ADCY9: variants seen among roughly 807,000 people sequenced by gnomAD.
ADCY9 encodes adenylate cyclase 9.
ADCY9 carries 50 observed loss-of-function variants against 101.5 expected under a neutral mutation model. The observed-to-expected ratio is 0.49, with a 90% confidence interval of 0.39 to 0.62. The LOEUF (loss-of-function observed/expected upper bound fraction) is 0.62, where lower values mean the gene tolerates loss of function less well. Ranked by LOEUF, ADCY9 falls within the 20% of genes least tolerant of loss-of-function variation. The pLI, the probability that ADCY9 is intolerant of heterozygous loss-of-function variation, is 0.00. For missense variants in ADCY9, 1,662 were observed against 1,800.4 expected (o/e 0.92, Z 1.39); for synonymous variants, 905 against 769.3 (o/e 1.18, Z -2.92).
chr16:4,079,916 C>T (rs1018024511), intron 2 of ADCY9, among the ~76,000 whole-genome samples: 3 of 151,922 alleles, frequency 2.0e-5, no homozygotes, highest in Non-Finnish European at 4.4e-5. Context: ...ACATGTTTTA[C>T]TTTTATAATA....
At chr16:3,973,305 T>C (rs1410190565) in intron 10 of ADCY9, among the ~76,000 whole-genome samples, 2 of 152,070 alleles carry the variant, frequency 1.3e-5, no homozygotes, top group Non-Finnish European at 2.9e-5. Context: ...CTTCCCAGGT[T>C]CAAGCAATTC....
At chr16:3,956,488 C>CTT (rs1555504577) in intron 5 of ADCY9, among the ~76,000 whole-genome samples, 2 of 68,796 alleles carry the variant, frequency 2.9e-5, no homozygotes, top group East Asian at 4.3e-4. Flanking sequence ...GCGCAATGAG[C>CTT]TTTTTTTTTT....
intron 2 of ADCY9, among the ~76,000 whole-genome samples, chr16:4,109,859 A>G (rs2057102208): frequency 6.6e-6 from 1 of 152,142 alleles, no homozygotes; most frequent in South Asian, 2.1e-4. Context: ...CAGATCACCT[A>G]AGCCCCCTGT....
chr16:3,983,467 T>C (rs1352953239), intron 6 of ADCY9, 27 bp from the exon 7 acceptor site: 1 of 1,576,370 alleles, frequency 6.3e-7, no homozygotes, highest in Non-Finnish European at 8.6e-7. Flanking sequence ...TGGAGCAGAA[T>C]GACTGGGAGG....
chr16:4,084,381 G>C (rs2056924237), intron 2 of ADCY9, among the ~76,000 whole-genome samples: 1 of 151,960 alleles, frequency 6.6e-6, no homozygotes, highest in Admixed American at 6.6e-5. Context: ...CAAAGTGCTG[G>C]GTTTACAGGC....
In ADCY9 at chr16:3,993,494, C is replaced by T; in HGVS notation, c.1901G>A (p.Gly634Glu). 6.2e-7 allele frequency: 1 copy of T among 1,614,110 alleles called. No individual in the cohort carries two copies. The highest frequency in any genetic ancestry group is 1.1e-5 in the South Asian group (1 of 91,076). Residue 634 changes from glycine (G) to glutamate (E), a missense_variant, in exon 4 of 11, where the codon GGA becomes GAA. Physicochemically the swap from Gly to Glu is moderately conservative, Grantham distance 98. Coordinates refer to ENST00000294016, the MANE Select transcript of ADCY9 (RefSeq NM_001116.4). ...TTCAGATTTGGGAGCAAATGTGATT[C>T]CGCACGAAGGGCAGGTCTAGAAGAA... ...FDNLKTCPSCGITFAPKSEAG... is the reference protein window; with the variant it reads ...FDNLKTCPSCEITFAPKSEAG...
chr16:3,976,704 C>T (rs933269158), intron 9 of ADCY9, among the ~76,000 whole-genome samples: 1 of 152,226 alleles, frequency 6.6e-6, no homozygotes, highest in Admixed American at 6.5e-5. Context: ...GTCACCCAGG[C>T]TGGAGTGCAA....
chr16:3,997,428 A>G (rs1423506017), intron 3 of ADCY9, among the ~76,000 whole-genome samples: 1 of 152,210 alleles, frequency 6.6e-6, no homozygotes, highest in Non-Finnish European at 1.5e-5. Flanking sequence ...AGTGGTCTCC[A>G]CAGGTGGGGA....
chr16:4,044,974 C>T (rs575335345), intron 2 of ADCY9, among the ~76,000 whole-genome samples: 1 of 152,076 alleles, frequency 6.6e-6, no homozygotes, highest in East Asian at 1.9e-4. Context: ...TGTGCTGGCT[C>T]GGTATGGTTG....
At chr16:3,971,926 A>T (rs772059896) in intron 10 of ADCY9, among the ~76,000 whole-genome samples, 1 of 152,210 alleles carries the variant, frequency 6.6e-6, no homozygotes, top group African/African-American at 2.4e-5. Context: ...GGCGCAGGCC[A>T]GGCCCCTCCA....
At chr16:4,085,680 TC>T (rs2056933400) in intron 2 of ADCY9, among the ~76,000 whole-genome samples, 1 of 151,980 alleles carries the variant, frequency 6.6e-6, no homozygotes, top group African/African-American at 2.4e-5. Flanking sequence ...AAGCAGTGCT[TC>T]TTGAAATGGT....
intron 2 of ADCY9, among the ~76,000 whole-genome samples, chr16:4,048,174 GAAATTGTCAGA>G (rs976715564): frequency 6.6e-6 from 1 of 152,076 alleles, no homozygotes; most frequent in Non-Finnish European, 1.5e-5. Context: ...CCAATAATTG[GAAATTGTCAGA>G]CATACAAAAA....
chr16:4,036,571 T>G (rs1043320620), intron 2 of ADCY9, among the ~76,000 whole-genome samples: 1 of 148,364 alleles, frequency 6.7e-6, no homozygotes, highest in African/African-American at 2.5e-5. Flanking sequence ...CAAGCAATTC[T>G]CCTGCCTCAG....
At chr16:4,013,884 G>A (rs1224321953) in intron 2 of ADCY9, among the ~76,000 whole-genome samples, 4 of 152,098 alleles carry the variant, frequency 2.6e-5, no homozygotes, top group South Asian at 4.1e-4. Flanking sequence ...AATGCTCTCC[G>A]GAGGGTTGTA....
chr16:4,003,569 T>C (rs566901082), intron 3 of ADCY9, among the ~76,000 whole-genome samples: 13,622 of 149,006 alleles, frequency 0.091, 651 homozygotes, highest in Middle Eastern at 0.1. Flanking sequence ...TTTTCTTTTT[T>C]TTTTTTTTTT....
intron 2 of ADCY9, among the ~76,000 whole-genome samples, chr16:4,057,996 T>C (rs2056751553): frequency 1.3e-5 from 2 of 151,302 alleles, no homozygotes. Flanking sequence ...CCATCTCTAC[T>C]AAAAATACAA....
At chr16:4,062,998 C>T (rs950007487) in intron 2 of ADCY9, among the ~76,000 whole-genome samples, 17 of 152,174 alleles carry the variant, frequency 1.1e-4, no homozygotes, top group African/African-American at 2.9e-4. Flanking sequence ...ACCAACCTGA[C>T]GTAACTAACA....
intron 3 of ADCY9, among the ~76,000 whole-genome samples, chr16:3,993,857 A>G (rs2056266998): frequency 6.6e-6 from 1 of 152,084 alleles, no homozygotes; most frequent in African/African-American, 2.4e-5. Flanking sequence ...CCTCGAAAAC[A>G]TTATGCTCGG....
At chr16:4,033,751 G>A (rs573727691) in intron 2 of ADCY9, among the ~76,000 whole-genome samples, 8 of 152,220 alleles carry the variant, frequency 5.3e-5, no homozygotes, top group African/African-American at 1.4e-4. Context: ...TCATGGACTC[G>A]ACACCAAAAT....
Sources: allele counts gnomAD v4.1 joint callset (sites outside exome capture counted in the v4.1 genomes callset), GRCh38; gene constraint gnomAD v4.1.1; transcripts MANE v1.5; gene names NCBI Gene and HGNC (gene_info 2026-07-23, HGNC 2026-07-21).